Variants in NRXN1 observed in about 807,000 individuals in gnomAD.
NRXN1 encodes the protein neurexin-1.
NRXN1 carries 39 observed loss-of-function variants against 150.9 expected under a neutral mutation model. That is an observed-to-expected ratio of 0.26 (90% CI 0.20 to 0.34). NRXN1 has a LOEUF of 0.34. Among genes scored for constraint, NRXN1 ranks in the 10% least tolerant of loss-of-function variants. NRXN1 has a pLI of 1.00. For missense variants in NRXN1, 1,815 were observed against 1,949.9 expected (o/e 0.93, Z 1.30); for synonymous variants, 924 against 757.0 (o/e 1.22, Z -3.62).
intron 5 of NRXN1, 29 bp from the exon 6 acceptor site, chr2:50,623,644 A>G (rs1401126096): frequency 5.2e-6 from 8 of 1,533,616 alleles, no homozygotes; most frequent in South Asian, 1.1e-5. Flanking sequence ...TACATACATA[A>G]GTAAACAAAT....
chr2:50,221,386 T>C (rs1210327620), intron 18 of NRXN1, among the ~76,000 whole-genome samples: 5 of 152,034 alleles, frequency 3.3e-5, no homozygotes, highest in African/African-American at 1.2e-4. Flanking sequence ...TTAGTGAATA[T>C]AATATAGACA....
At chr2:50,917,731 G>A (rs1180882521) in intron 5 of NRXN1, 1 of 151,634 alleles carries the variant, frequency 6.6e-6, no homozygotes, top group African/African-American at 2.4e-5. Flanking sequence ...CACCGACTGT[G>A]TCAGCCCTTG....
chr2:50,550,923 T>C (rs1222353852), intron 9 of NRXN1, among the ~76,000 whole-genome samples: 2 of 151,798 alleles, frequency 1.3e-5, no homozygotes, highest in Non-Finnish European at 2.9e-5. Flanking sequence ...CCTCGTGATC[T>C]GCCTGCCTTG....
chr2:51,018,379 CGTGA>C (rs1669072000), intron 2 of NRXN1, among the ~76,000 whole-genome samples: 1 of 152,010 alleles, frequency 6.6e-6, no homozygotes, highest in Admixed American at 6.6e-5. Flanking sequence ...CAGTTTTGAG[CGTGA>C]GTAACTAGAC....
Position 51,027,513 on chromosome 2 carries a change from T to C in NRXN1, c.761A>G (p.Asp254Gly), listed in dbSNP as rs1389440485. The change falls in exon 2 of 23, where the codon GAC (aspartate) becomes GGC (glycine). Residue 254 changes from aspartate (D) to glycine (G), a missense_variant. Asp to Gly is a moderately conservative substitution (Grantham distance 94). Around this residue, in one of 6 missense-constraint regions of NRXN1, gnomAD observed 554 missense variants for 478.8 expected, o/e 1.16. Coordinates refer to ENST00000401669, the MANE Select transcript of NRXN1 (RefSeq NM_001330078.2). ...DCSRTGFRGKDCSQEDNNVEG... is the reference protein window; with the variant it reads ...DCSRTGFRGKGCSQEDNNVEG... ...GCGTCGGGCCTTACCTTGGCTGCAG[T>C]CCTTGCCGCGGAAGCCGGTTCGCGA... 3 of 1,538,840 alleles carry C rather than the reference T, an allele frequency of 1.9e-6. No individual in the cohort carries two copies. The highest frequency in any genetic ancestry group is 2.6e-6 in the Non-Finnish European group (3 of 1,140,184).
At chr2:50,130,773 A>G (rs931006963) in intron 18 of NRXN1, among the ~76,000 whole-genome samples, 1 of 152,176 alleles carries the variant, frequency 6.6e-6, no homozygotes, top group African/African-American at 2.4e-5. Flanking sequence ...AAAAGGCTTT[A>G]AGTTCATTTA....
chr2:50,380,762 G>A (rs2103660138), intron 17 of NRXN1, among the ~76,000 whole-genome samples: 1 of 152,226 alleles, frequency 6.6e-6, no homozygotes, highest in Non-Finnish European at 1.5e-5. Context: ...GTGCAGTACT[G>A]TTACCATAAC....
chr2:50,890,933 G>A (rs1680952941), intron 5 of NRXN1, among the ~76,000 whole-genome samples: 1 of 151,908 alleles, frequency 6.6e-6, no homozygotes, highest in East Asian at 1.9e-4. Context: ...AATAAAATAA[G>A]TAGATATTTA....
intron 17 of NRXN1, among the ~76,000 whole-genome samples, chr2:50,397,585 C>G (rs2082130016): frequency 6.6e-6 from 1 of 151,972 alleles, no homozygotes; most frequent in African/African-American, 2.4e-5. Context: ...ATTTCTTGAC[C>G]AGGACACAAG....
chr2:50,051,415 AT>A (rs1333870735), intron 21 of NRXN1, among the ~76,000 whole-genome samples: 1 of 152,060 alleles, frequency 6.6e-6, no homozygotes, highest in African/African-American at 2.4e-5. Flanking sequence ...TTCAAATTAT[AT>A]TCATAAAAGC....
At chr2:50,388,902 C>G (rs1483051127) in intron 17 of NRXN1, among the ~76,000 whole-genome samples, 1 of 152,054 alleles carries the variant, frequency 6.6e-6, no homozygotes, top group Non-Finnish European at 1.5e-5. Flanking sequence ...TGTTTATAGT[C>G]TGGTTAATTA....
chr2:50,045,904 C>T (rs1691729590), intron 21 of NRXN1, among the ~76,000 whole-genome samples: 1 of 152,112 alleles, frequency 6.6e-6, no homozygotes, highest in Non-Finnish European at 1.5e-5. Flanking sequence ...ATCATGAGCC[C>T]AATCTAGTCT....
chr2:49,956,843 C>A (rs1675053608), intron 21 of NRXN1, among the ~76,000 whole-genome samples: 1 of 152,116 alleles, frequency 6.6e-6, no homozygotes, highest in South Asian at 2.1e-4. Context: ...TTTGAGATAT[C>A]ATGAGCCCTG....
chr2:50,948,540 G>C (rs151250092), intron 2 of NRXN1, among the ~76,000 whole-genome samples: 49 of 152,106 alleles, frequency 3.2e-4, no homozygotes, highest in African/African-American at 1.2e-3. Context: ...GAGGTTTGCT[G>C]GTTGATCTGA....
At chr2:50,714,771 A>G (rs1695647730) in intron 5 of NRXN1, among the ~76,000 whole-genome samples, 1 of 152,170 alleles carries the variant, frequency 6.6e-6, no homozygotes, top group Non-Finnish European at 1.5e-5. Context: ...GTGAACTGTT[A>G]GTCTACCAGA....
chr2:50,270,751 C>G (rs559850043), intron 17 of NRXN1, among the ~76,000 whole-genome samples: 2 of 151,276 alleles, frequency 1.3e-5, no homozygotes, highest in Admixed American at 1.3e-4. Context: ...CTCACTGCAA[C>G]CTCCACCTCC....
chr2:49,995,780 C>CAAAAAAAAAA (rs1163315598), intron 21 of NRXN1, among the ~76,000 whole-genome samples: 4 of 36,372 alleles, frequency 1.1e-4, no homozygotes, highest in South Asian at 2.0e-3. Context: ...GACTCCGTCT[C>CAAAAAAAAAA]AAAAAAAAAA....
intron 5 of NRXN1, among the ~76,000 whole-genome samples, chr2:50,854,538 C>T (rs903164860): frequency 6.6e-6 from 1 of 152,054 alleles, no homozygotes; most frequent in Non-Finnish European, 1.5e-5. Flanking sequence ...TTTCAAATCA[C>T]ACTTTGTTTG....
chr2:50,255,283 G>A (rs2067587662), intron 17 of NRXN1, among the ~76,000 whole-genome samples: 1 of 152,074 alleles, frequency 6.6e-6, no homozygotes, highest in Admixed American at 6.6e-5. Flanking sequence ...AAAGGAAATG[G>A]ATTTTCAAGT....
Sources: gnomAD v4.1 joint callset for allele counts (sites outside exome capture counted in the v4.1 genomes callset) on GRCh38, gnomAD v4.1.1 for gene constraint, gnomAD v4.1.1 regional missense constraint, MANE v1.5 for transcripts, NCBI Gene and HGNC (gene_info 2026-07-23, HGNC 2026-07-21) for gene names.